The following KCNIP4 variants were observed in gnomAD, a reference collection of about 807,000 sequenced individuals.
KCNIP4 encodes the protein potassium voltage-gated channel interacting protein 4, also known as Kv channel-interacting protein 4.
Under a neutral mutation model 34.0 loss-of-function variants are expected in KCNIP4, and 12 were observed. The ratio of observed to expected loss-of-function variants is 0.35; its 90% CI spans 0.23 to 0.57. KCNIP4 has a LOEUF of 0.57. Ranked by LOEUF, KCNIP4 falls within the 20% of genes least tolerant of loss-of-function variation. The pLI, the probability that KCNIP4 is intolerant of heterozygous loss-of-function variation, is 0.83. For synonymous variants in KCNIP4, 124 were observed against 102.2 expected (o/e 1.21, Z -1.29); for missense variants, 238 against 311.7 (o/e 0.76, Z 1.78).
chr4:21,589,214 A>AC (rs1577650560), intron 1 of KCNIP4, among the ~76,000 whole-genome samples: 7 of 122,470 alleles, frequency 5.7e-5, no homozygotes, highest in East Asian at 2.3e-4. Flanking sequence ...GTACATATAT[A>AC]AGTACACATG....
intron 1 of KCNIP4, among the ~76,000 whole-genome samples, chr4:21,828,422 A>T (rs1027556209): frequency 2.0e-5 from 3 of 151,884 alleles, no homozygotes; most frequent in African/African-American, 7.2e-5. Flanking sequence ...AATAGGAGAG[A>T]ATGGAGAAGC....
At chr4:21,792,669 G>A (rs1720374223) in intron 1 of KCNIP4, among the ~76,000 whole-genome samples, 1 of 152,190 alleles carries the variant, frequency 6.6e-6, no homozygotes, top group East Asian at 1.9e-4. Flanking sequence ...AGATGGCTGA[G>A]GCCAGCAGAC....
chr4:21,018,933 G>GTTTTTTTTTTTTTTTTTTTTTT (rs1276169752), intron 1 of KCNIP4, among the ~76,000 whole-genome samples: 1 of 152,124 alleles, frequency 6.6e-6, no homozygotes, highest in African/African-American at 2.4e-5. Flanking sequence ...AGTTGTATTA[G>GTTTTTTTTTTTTTTTTTTTTTT]TTTACTAGGG....
chr4:21,227,153 A>G (rs1246562827), intron 1 of KCNIP4, among the ~76,000 whole-genome samples: 1 of 152,166 alleles, frequency 6.6e-6, no homozygotes, highest in Admixed American at 6.6e-5. Flanking sequence ...TTAGCCCAGA[A>G]CTGCTTCAGT....
At chr4:21,647,687 A>T (rs1196623586) in intron 1 of KCNIP4, among the ~76,000 whole-genome samples, 1 of 152,020 alleles carries the variant, frequency 6.6e-6, no homozygotes, top group Non-Finnish European at 1.5e-5. Flanking sequence ...CCTGCTAACT[A>T]GTATTCTCTC....
chr4:21,493,022 A>G (rs1732540253), intron 1 of KCNIP4, among the ~76,000 whole-genome samples: 1 of 152,178 alleles, frequency 6.6e-6, no homozygotes, highest in African/African-American at 2.4e-5. Context: ...TTATGAGAGA[A>G]ACAGCAGGCA....
chr4:21,567,810 A>T (rs1029287372), intron 1 of KCNIP4, among the ~76,000 whole-genome samples: 3 of 152,114 alleles, frequency 2.0e-5, no homozygotes, highest in Non-Finnish European at 4.4e-5. Context: ...TATCCTGAGG[A>T]ATCAGTTCTC....
At chr4:20,804,440 T>C (rs912685340) in intron 3 of KCNIP4, among the ~76,000 whole-genome samples, 6 of 152,186 alleles carry the variant, frequency 3.9e-5, no homozygotes, top group African/African-American at 1.4e-4. Flanking sequence ...TGAATTTCCT[T>C]CATAGAAAAG....
intron 1 of KCNIP4, among the ~76,000 whole-genome samples, chr4:21,025,231 G>C (rs1239425314): frequency 6.6e-6 from 1 of 152,146 alleles, no homozygotes; most frequent in African/African-American, 2.4e-5. Flanking sequence ...AGGTGAGGTA[G>C]GGGAGGAAGA....
chr4:21,624,814 A>C (rs1331440909), intron 1 of KCNIP4, among the ~76,000 whole-genome samples: 2 of 152,172 alleles, frequency 1.3e-5, no homozygotes, highest in Non-Finnish European at 2.9e-5. Context: ...TATTTCACTT[A>C]GCTTCTCCCC....
intron 1 of KCNIP4, among the ~76,000 whole-genome samples, chr4:20,946,903 A>G (rs1464210837): frequency 3.9e-5 from 6 of 152,174 alleles, no homozygotes; most frequent in Non-Finnish European, 8.8e-5. Context: ...TGTTGCATGC[A>G]AAAATACTAG....
At position 21,777,699 on chromosome 4, in the gene KCNIP4, A is replaced by G. The variant is rs1719275076; in HGVS notation, c.61+170872T>C. Among the ~76,000 whole-genome samples the G allele has an allele frequency of 2.0e-5, 3 of 152,230 alleles. No homozygotes were observed. The South Asian group carries it at 6.2e-4, about 31-fold the overall frequency. ...CACTAGCACATGACTGATATAATTT[A>G]TAGGCAAATAAATATATACTCAGCA... is the stretch of plus-strand genomic sequence containing the variant. On this transcript the variant is annotated intron_variant, in intron 1 of 8. Transcript: ENST00000382152.
intron 1 of KCNIP4, among the ~76,000 whole-genome samples, chr4:21,178,534 A>G (rs995223037): frequency 6.8e-6 from 1 of 146,492 alleles, no homozygotes; most frequent in Non-Finnish European, 1.5e-5. Context: ...TTTAAGTCCC[A>G]TGGGTTTAAC....
At chr4:21,241,549 G>A (rs1759813183) in intron 1 of KCNIP4, among the ~76,000 whole-genome samples, 1 of 152,166 alleles carries the variant, frequency 6.6e-6, no homozygotes, top group Non-Finnish European at 1.5e-5. Context: ...AGTCTTTTCA[G>A]AGGAATAAGC....
intron 1 of KCNIP4, among the ~76,000 whole-genome samples, chr4:20,934,531 C>A (rs553946093): frequency 5.3e-5 from 8 of 152,242 alleles, no homozygotes; most frequent in Middle Eastern, 3.4e-3. Context: ...CCTTATTTCA[C>A]TCACCCTTAA....
In KCNIP4 at chr4:20,792,619, C is replaced by G. The variant is rs551251218; in HGVS notation, c.289-33729G>C. 3.9e-5 allele frequency among the ~76,000 whole-genome samples: 6 copies of G among 152,162 alleles called. No individual in the cohort carries two copies. In the South Asian group the frequency reaches 1.2e-3, roughly 32 times the overall value. ...AAACCACTCTGTGTTAGTCAAAAGACAGTTGAAGTGGCAAACATTAGACAA... is the reference window on the plus strand; with the variant it reads ...AAACCACTCTGTGTTAGTCAAAAGAGAGTTGAAGTGGCAAACATTAGACAA... On this transcript the variant is annotated intron_variant, in intron 3 of 8. Transcript: ENST00000382152.
At chr4:20,744,404 A>G (rs897062659) in intron 5 of KCNIP4, among the ~76,000 whole-genome samples, 1 of 152,170 alleles carries the variant, frequency 6.6e-6, no homozygotes, top group Admixed American at 6.6e-5. Context: ...TGTGGCACAT[A>G]TACTGGATTA....
intron 1 of KCNIP4, among the ~76,000 whole-genome samples, chr4:21,533,458 T>C (rs1366591244): frequency 6.6e-6 from 1 of 152,148 alleles, no homozygotes; most frequent in Non-Finnish European, 1.5e-5. Context: ...ATAGCTTGTC[T>C]AGCCTGAAGA....
rs1560776133 is a variant in KCNIP4, at chr4:21,869,755, TA to T, written c.61+78815del. On this transcript the variant is annotated intron_variant, in intron 1 of 8. Coordinates refer to ENST00000382152, the MANE Select transcript of KCNIP4 (RefSeq NM_025221.6). ...ATAGATAGATAGATAGATAGATAGA[TA>T]GATAGATAGATAGATAGATAGATAG... Among the ~76,000 whole-genome samples the T allele has an allele frequency of 8.3e-4, 125 of 150,044 alleles. 3 individuals carry two copies. The South Asian group carries it at 0.026, about 32-fold the overall frequency.
Sources: allele counts gnomAD v4.1 joint callset (sites outside exome capture counted in the v4.1 genomes callset), GRCh38; gene constraint gnomAD v4.1.1; transcripts MANE v1.5; gene names NCBI Gene and HGNC (gene_info 2026-07-23, HGNC 2026-07-21).